SPDYE14: variants seen among roughly 807,000 people sequenced by gnomAD.
The protein encoded by SPDYE14 is speedy protein E14.
the SPDYE14 span, among the ~76,000 whole-genome samples, chr7:75,261,440 C>T: frequency 2.1e-5 from 1 of 46,600 alleles, no homozygotes; most frequent in Non-Finnish European, 4.2e-5. Context: ...TGGCCTCTTG[C>T]TCTCAAGAAC....
At chr7:75,247,466 GAGAA>G in the SPDYE14 span, among the ~76,000 whole-genome samples, 3 of 97,042 alleles carry the variant, frequency 3.1e-5, no homozygotes, top group Non-Finnish European at 7.6e-5. Context: ...GAAAGAAAAA[GAGAA>G]AGAAAGAAAG....
the SPDYE14 span, among the ~76,000 whole-genome samples, chr7:75,244,242 T>C: frequency 7.2e-4 from 16 of 22,156 alleles, 3 homozygotes; most frequent in African/African-American, 1.5e-3. Flanking sequence ...GGACTACAGG[T>C]GCCCGCCACC....
the SPDYE14 span, among the ~76,000 whole-genome samples, chr7:75,271,614 T>C: frequency 0.51 from 25,948 of 50,418 alleles, 11,345 homozygotes; most frequent in Middle Eastern, 0.84. Flanking sequence ...GTGGATCACC[T>C]GAGGTCAGGA....
chr7:75,275,039 C>T, the SPDYE14 span, among the ~76,000 whole-genome samples: 5 of 55,398 alleles, frequency 9.0e-5, no homozygotes, highest in South Asian at 6.5e-4. Context: ...CCAGCCGCCC[C>T]GTCCGGGAGG....
chr7:75,279,740 C>A, the SPDYE14 span, among the ~76,000 whole-genome samples: 2 of 56,876 alleles, frequency 3.5e-5, 1 homozygote, highest in African/African-American at 9.0e-5. Context: ...TGGCACCTGG[C>A]CCCGTCTAAT....
At chr7:75,278,543 C>G in the SPDYE14 span, among the ~76,000 whole-genome samples, 2 of 19,322 alleles carry the variant, frequency 1.0e-4, 1 homozygote, top group African/African-American at 2.1e-4. Flanking sequence ...TGCACTCCAG[C>G]CTGGATGACA....
At chr7:75,251,336 A>G in the SPDYE14 span, among the ~76,000 whole-genome samples, 3 of 42,904 alleles carry the variant, frequency 7.0e-5, no homozygotes, top group Non-Finnish European at 1.1e-4. Context: ...TGCCCGCCTC[A>G]GACTCCCAAA....
the SPDYE14 span, among the ~76,000 whole-genome samples, chr7:75,272,907 GA>G: frequency 4.0e-3 from 192 of 48,432 alleles, 44 homozygotes; most frequent in African/African-American, 8.5e-3. Context: ...AACAAAAAAA[GA>G]AAAAAAAAGA....
At chr7:75,246,576 A>T in the SPDYE14 span, among the ~76,000 whole-genome samples, 1 of 4,484 alleles carries the variant, frequency 2.2e-4, no homozygotes, top group Non-Finnish European at 4.0e-4. Flanking sequence ...TGGGAGGCAG[A>T]GGTTGCAGTG....
chr7:75,237,665 GCGCC>G, the SPDYE14 span: 1 of 93,738 alleles, frequency 1.1e-5, no homozygotes, highest in East Asian at 5.8e-4. Context: ...GCGGCGCGCG[GCGCC>G]CGGCGCGGGG....
chr7:75,240,260 A>G, the SPDYE14 span, among the ~76,000 whole-genome samples: 3 of 48,736 alleles, frequency 6.2e-5, no homozygotes, highest in African/African-American at 1.6e-4. Flanking sequence ...GTACAGGTGA[A>G]GGGAAGTCTG....
the SPDYE14 span, among the ~76,000 whole-genome samples, chr7:75,275,739 T>TAAAAAAAAAAAA: frequency 6.9e-5 from 1 of 14,544 alleles, no homozygotes; most frequent in African/African-American, 1.6e-4. Flanking sequence ...AAAAATAAAT[T>TAAAAAAAAAAAA]AAAAAAAAAA....
chr7:75,245,416 C>A, the SPDYE14 span, among the ~76,000 whole-genome samples: 1 of 112,758 alleles, frequency 8.9e-6, no homozygotes. Context: ...GTGAGTGAGA[C>A]TATGTCTCAA....
At chr7:75,265,361 G>A in the SPDYE14 span, among the ~76,000 whole-genome samples, 8 of 54,458 alleles carry the variant, frequency 1.5e-4, no homozygotes, top group African/African-American at 5.7e-4. Flanking sequence ...TGCCCACATC[G>A]GCCTCCCAAA....
the SPDYE14 span, among the ~76,000 whole-genome samples, chr7:75,271,417 C>T: frequency 2.7e-5 from 1 of 36,838 alleles, no homozygotes; most frequent in African/African-American, 6.0e-5. Flanking sequence ...AGGAAAAAAC[C>T]CTCATTTTCC....
chr7:75,275,739 T>TAAAAAAAAAAAAAAAAA, the SPDYE14 span, among the ~76,000 whole-genome samples: 2 of 14,552 alleles, frequency 1.4e-4, no homozygotes, highest in African/African-American at 3.3e-4. Context: ...AAAAATAAAT[T>TAAAAAAAAAAAAAAAAA]AAAAAAAAAA....
chr7:75,268,845 CAGAGAG>C, the SPDYE14 span, among the ~76,000 whole-genome samples: 62 of 9,614 alleles, frequency 6.4e-3, 7 homozygotes, highest in South Asian at 0.025. Flanking sequence ...GCACTCCAGC[CAGAGAG>C]AGAGAGAGAG....
chr7:75,271,695 G>A, the SPDYE14 span, among the ~76,000 whole-genome samples: 1 of 55,362 alleles, frequency 1.8e-5, no homozygotes, highest in Non-Finnish European at 4.6e-5. Flanking sequence ...GCTGGGTGTG[G>A]TTGTGGGCAC....
At chr7:75,265,025 T>TG in the SPDYE14 span, among the ~76,000 whole-genome samples, 1 of 64,138 alleles carries the variant, frequency 1.6e-5, no homozygotes, top group African/African-American at 4.4e-5. Flanking sequence ...TTGCCTGTTT[T>TG]TTTTTTTTTT....
Sources: allele counts gnomAD v4.1 joint callset (sites outside exome capture counted in the v4.1 genomes callset), GRCh38; gene constraint gnomAD v4.1.1; transcripts MANE v1.5; gene names NCBI Gene and HGNC (gene_info 2026-07-23, HGNC 2026-07-21).